The following ARMH3 variants were observed in gnomAD, a reference collection of about 807,000 sequenced individuals.
ARMH3 encodes armadillo like helical domain containing 3.
A neutral mutation model predicts 99.1 loss-of-function variants in ARMH3; 60 were observed. The observed-to-expected ratio is 0.61, with a 90% confidence interval of 0.49 to 0.75. The LOEUF is 0.75. Among genes scored for constraint, ARMH3 ranks in the 30% least tolerant of loss-of-function variants. The pLI is 0.00. For missense variants in ARMH3, 679 were observed against 843.1 expected (o/e 0.81, Z 2.41); for synonymous variants, 285 against 292.8 (o/e 0.97, Z 0.27).
At chr10:101,922,918 G>A (rs1210688109) in intron 23 of ARMH3, among the ~76,000 whole-genome samples, 1 of 152,066 alleles carries the variant, frequency 6.6e-6, no homozygotes, top group Non-Finnish European at 1.5e-5. Context: ...ATATGAAAAT[G>A]GTGTCTAATG....
chr10:101,869,493 C>T (rs751933327), intron 24 of ARMH3, among the ~76,000 whole-genome samples: 15 of 152,068 alleles, frequency 9.9e-5, no homozygotes, highest in Non-Finnish European at 1.5e-4. Flanking sequence ...GGAAATGAAA[C>T]ACATTACTAT....
intron 23 of ARMH3, among the ~76,000 whole-genome samples, chr10:101,930,028 T>C (rs907990575): frequency 3.9e-5 from 6 of 152,196 alleles, no homozygotes; most frequent in African/African-American, 1.4e-4. Flanking sequence ...AAGTTTCAGA[T>C]TTTAAAGCAT....
intron 2 of ARMH3, among the ~76,000 whole-genome samples, chr10:102,034,568 G>A (rs1012163284): frequency 6.1e-5 from 9 of 147,804 alleles, no homozygotes; most frequent in Admixed American, 2.0e-4. Flanking sequence ...CCTGGGAGGC[G>A]GAGCTTGCAG....
At chr10:101,848,418 G>A (rs1242039482) in intron 25 of ARMH3, among the ~76,000 whole-genome samples, 1 of 152,170 alleles carries the variant, frequency 6.6e-6, no homozygotes, top group African/African-American at 2.4e-5. Flanking sequence ...GGTTCCAAGA[G>A]GAATCTGGCA....
At chr10:102,049,400 C>T (rs1468548980) in intron 1 of ARMH3, among the ~76,000 whole-genome samples, 3 of 151,806 alleles carry the variant, frequency 2.0e-5, no homozygotes, top group East Asian at 2.0e-4. Context: ...AAATTAGCCA[C>T]GCATCGTGGC....
chr10:101,868,213 C>T (rs973738131), intron 24 of ARMH3, among the ~76,000 whole-genome samples: 9 of 152,126 alleles, frequency 5.9e-5, no homozygotes, highest in Admixed American at 4.6e-4. Context: ...ATGCGTTCTT[C>T]CCCAACCAGT....
chr10:102,032,971 G>A (rs1198337705), intron 4 of ARMH3, 55 bp downstream of exon 4: 87 of 1,592,804 alleles, frequency 5.5e-5, no homozygotes, highest in Non-Finnish European at 6.0e-6. Flanking sequence ...AAACAGATGT[G>A]TTACAATTCC....
chr10:101,930,423 G>A (rs1160114583), intron 23 of ARMH3, among the ~76,000 whole-genome samples: 3 of 151,716 alleles, frequency 2.0e-5, no homozygotes, highest in Non-Finnish European at 4.4e-5. Flanking sequence ...TAGCAGTTTT[G>A]CCATTACTTT....
intron 24 of ARMH3, among the ~76,000 whole-genome samples, chr10:101,878,834 TAA>T (rs77310257): frequency 7.0e-6 from 1 of 142,482 alleles, no homozygotes; most frequent in African/African-American, 2.6e-5. Flanking sequence ...CTCTAAAAAT[TAA>T]AAAAAAAAAA....
intron 20 of ARMH3, among the ~76,000 whole-genome samples, chr10:101,963,976 A>C (rs1318581876): frequency 6.8e-6 from 1 of 146,988 alleles, no homozygotes; most frequent in Admixed American, 6.9e-5. Flanking sequence ...TCCCAGGTTC[A>C]CGCCATTCTC....
chr10:102,025,716 C>CAT (rs900835341), intron 5 of ARMH3, among the ~76,000 whole-genome samples: 8 of 152,170 alleles, frequency 5.3e-5, no homozygotes, highest in Non-Finnish European at 4.4e-5. Context: ...AGGGCATGTT[C>CAT]ATAGCACACT....
At chr10:101,966,081 AT>A (rs201923414) in intron 20 of ARMH3, among the ~76,000 whole-genome samples, 7 of 146,206 alleles carry the variant, frequency 4.8e-5, no homozygotes, top group Admixed American at 2.1e-4. Flanking sequence ...AGACAATCTA[AT>A]TTTTTTTTCT....
chr10:101,905,892 G>C (rs2068090443), intron 23 of ARMH3, among the ~76,000 whole-genome samples: 1 of 152,158 alleles, frequency 6.6e-6, no homozygotes, highest in South Asian at 2.1e-4. Context: ...AACCCTCCAT[G>C]AACCCCTTTT....
At chr10:101,953,047 T>A (rs1220144853) in intron 22 of ARMH3, among the ~76,000 whole-genome samples, 1 of 152,242 alleles carries the variant, frequency 6.6e-6, no homozygotes, top group Non-Finnish European at 1.5e-5. Flanking sequence ...ATTTTGTTTA[T>A]CTATTCATCT....
At chr10:102,032,926 C>T in intron 4 of ARMH3, 100 bp downstream of exon 4, 4 of 1,343,490 alleles carry the variant, frequency 3.0e-6, no homozygotes, top group Non-Finnish European at 4.1e-6. Flanking sequence ...AAAAGAAAAC[C>T]TCATACCTCA....
intron 23 of ARMH3, among the ~76,000 whole-genome samples, chr10:101,894,965 A>G (rs2067787646): frequency 6.6e-6 from 1 of 151,856 alleles, no homozygotes; most frequent in African/African-American, 2.4e-5. Context: ...CCAGGAAGAC[A>G]GCTCTCACCA....
intron 2 of ARMH3, among the ~76,000 whole-genome samples, chr10:102,038,798 G>C (rs1329537431): frequency 6.6e-6 from 1 of 151,204 alleles, no homozygotes; most frequent in African/African-American, 2.4e-5. Flanking sequence ...AGAATGCAGT[G>C]GCATGATCAC....
chr10:101,872,421 G>A (rs1223352418), intron 24 of ARMH3, among the ~76,000 whole-genome samples: 1 of 152,182 alleles, frequency 6.6e-6, no homozygotes, highest in Non-Finnish European at 1.5e-5. Context: ...CTCTAGCCGG[G>A]CACAGTGGCT....
intron 23 of ARMH3, among the ~76,000 whole-genome samples, chr10:101,932,474 C>T (rs1843761912): frequency 6.6e-6 from 1 of 152,204 alleles, no homozygotes; most frequent in African/African-American, 2.4e-5. Context: ...CATGTTCACA[C>T]TAGCATTAGT....
Sources: allele counts gnomAD v4.1 joint callset (sites outside exome capture counted in the v4.1 genomes callset), GRCh38; gene constraint gnomAD v4.1.1; transcripts MANE v1.5; gene names NCBI Gene and HGNC (gene_info 2026-07-23, HGNC 2026-07-21).